The following GPR158 variants were observed in gnomAD, a reference collection of about 807,000 sequenced individuals.
The protein encoded by GPR158 is metabotropic glycine receptor.
A neutral mutation model predicts 78.2 loss-of-function variants in GPR158; 30 were observed. The ratio of observed to expected loss-of-function variants is 0.38; its 90% CI spans 0.29 to 0.52. The LOEUF is 0.52. Ranked by LOEUF, GPR158 falls within the 20% of genes least tolerant of loss-of-function variation. The pLI is 0.83. For missense variants in GPR158, 1,463 were observed against 1,523.5 expected (o/e 0.96, Z 0.66); for synonymous variants, 581 against 591.1 (o/e 0.98, Z 0.25).
At chr10:25,455,383 A>G (rs1158370024) in intron 4 of GPR158, among the ~76,000 whole-genome samples, 1 of 152,158 alleles carries the variant, frequency 6.6e-6, no homozygotes, top group East Asian at 1.9e-4. Context: ...AAAATCTGTT[A>G]TATTATAAAA....
chr10:25,536,082 C>A (rs1836496453), intron 5 of GPR158, among the ~76,000 whole-genome samples: 2 of 152,110 alleles, frequency 1.3e-5, no homozygotes, highest in Non-Finnish European at 2.9e-5. Context: ...GCATTTAGGG[C>A]AATTAACACC....
chr10:25,372,977 C>A (rs1216033505), intron 2 of GPR158, among the ~76,000 whole-genome samples: 1 of 151,918 alleles, frequency 6.6e-6, no homozygotes, highest in Non-Finnish European at 1.5e-5. Flanking sequence ...TATAAATTGT[C>A]TGTCATAAAA....
chr10:25,316,691 G>A (rs1854855096), intron 2 of GPR158, among the ~76,000 whole-genome samples: 1 of 152,136 alleles, frequency 6.6e-6, no homozygotes. Flanking sequence ...TGAACAAGTT[G>A]TGCGATTTTC....
intron 2 of GPR158, among the ~76,000 whole-genome samples, chr10:25,253,113 A>G (rs1262993470): frequency 4.6e-5 from 7 of 152,198 alleles, no homozygotes; most frequent in South Asian, 2.1e-4. Flanking sequence ...TGACTCGGAA[A>G]GGGAACTCCC....
intron 5 of GPR158, among the ~76,000 whole-genome samples, chr10:25,494,728 A>C (rs757148943): frequency 3.9e-5 from 6 of 152,082 alleles, no homozygotes; most frequent in Non-Finnish European, 7.4e-5. Context: ...AGTTCTTTGG[A>C]TGTGACTATC....
At chr10:25,188,518 A>G (rs1218142913) in intron 1 of GPR158, among the ~76,000 whole-genome samples, 5 of 152,354 alleles carry the variant, frequency 3.3e-5, no homozygotes, top group African/African-American at 1.2e-4. Flanking sequence ...ACCTGACAAA[A>G]ACAACAAATG....
intron 4 of GPR158, among the ~76,000 whole-genome samples, chr10:25,429,901 A>G (rs1834876546): frequency 7.1e-6 from 1 of 140,408 alleles, no homozygotes; most frequent in Admixed American, 7.2e-5. Context: ...CACAGCCAAT[A>G]TCATACTGAA....
intron 6 of GPR158, among the ~76,000 whole-genome samples, chr10:25,559,969 G>GT (rs1438152191): frequency 1.3e-5 from 2 of 152,208 alleles, no homozygotes; most frequent in African/African-American, 2.4e-5. Context: ...ATATAGTGGT[G>GT]TGCGAAGGGA....
chr10:25,175,748 G>A lies in GPR158; in HGVS notation c.328G>A (p.Gly110Arg), dbSNP rs148751649. 91 of 1,611,334 alleles carry A rather than the reference G, an allele frequency of 5.6e-5. No homozygotes were observed. The South Asian group carries it at 9.9e-4, about 18-fold the overall frequency. ...SGRYELAGLP[G>R]KWPALASAHP... ...CCGCTACGAGTTGGCGGGCCTGCCG[G>A]GGAAGTGGCCAGCCCTGGCCAGCGC... Residue 110 changes from glycine (G) to arginine (R), a missense_variant, in exon 1 of 11, where the codon GGG becomes AGG. By Grantham distance (125) the Gly-to-Arg change is moderately radical. Coordinates refer to ENST00000376351, the MANE Select transcript of GPR158 (RefSeq NM_020752.3). This position sits in a 1 kb window ranked among gnomAD's most constrained non-coding sequence, Gnocchi z 6.4.
intron 2 of GPR158, among the ~76,000 whole-genome samples, chr10:25,392,840 A>G (rs1834319400): frequency 6.6e-6 from 1 of 152,234 alleles, no homozygotes; most frequent in African/African-American, 2.4e-5. Flanking sequence ...AAATAAGCCA[A>G]GACCACTTGT....
intron 5 of GPR158, among the ~76,000 whole-genome samples, chr10:25,480,568 A>G (rs1230150680): frequency 6.6e-6 from 1 of 152,148 alleles, no homozygotes; most frequent in African/African-American, 2.4e-5. Flanking sequence ...GGGCCTTCAC[A>G]TGAGCAGAAT....
rs191842201 is a variant in GPR158 at position 25,599,928 on chromosome 10, C to T, written c.*654C>T. 87 of 152,756 alleles carry T rather than the reference C, an allele frequency of 5.7e-4. No homozygotes were observed. The highest frequency in any genetic ancestry group is 2.0e-3 in the African/African-American group (84 of 41,572). 9.5% of individuals were successfully genotyped at this position (152,756 alleles called of 1,614,324 possible). On this transcript the variant is annotated 3_prime_UTR_variant, in exon 11 of 11. Transcript: ENST00000376351. Reference sequence around the variant, plus strand: ...GTTATTGCACCTTACAGAATACCTGCTATCTATCAACTTTAGTTGATTCTT... The same window carrying T: ...GTTATTGCACCTTACAGAATACCTGTTATCTATCAACTTTAGTTGATTCTT...
chr10:25,217,643 T>C (rs1215857135), intron 1 of GPR158, among the ~76,000 whole-genome samples: 4 of 152,170 alleles, frequency 2.6e-5, no homozygotes, highest in Non-Finnish European at 4.4e-5. Context: ...AGAGTCAAGA[T>C]ACAAGAAGCA....
intron 5 of GPR158, among the ~76,000 whole-genome samples, chr10:25,538,342 A>G (rs529389562): frequency 1.3e-5 from 2 of 152,262 alleles, no homozygotes; most frequent in South Asian, 4.1e-4. Flanking sequence ...TTTCCCCATT[A>G]GCTTTTATGC....
At chr10:25,361,659 G>A (rs1238157618) in intron 2 of GPR158, among the ~76,000 whole-genome samples, 1 of 151,864 alleles carries the variant, frequency 6.6e-6, no homozygotes, top group Non-Finnish European at 1.5e-5. Flanking sequence ...TCTCATTGTG[G>A]TTTTGATTTG....
rs1005127785 is a variant in GPR158 at position 25,601,585 on chromosome 10, C to T, written c.*2311C>T. 2.0e-5 allele frequency: 3 copies of T among 152,574 alleles called. No homozygotes were observed. Among genetic ancestry groups the T allele is most frequent in the African/African-American group, 4.8e-5 (2 of 41,432 alleles). 9.5% of individuals were successfully genotyped at this position (152,574 alleles called of 1,614,324 possible). On this transcript the variant is annotated 3_prime_UTR_variant, in exon 11 of 11. Coordinates refer to ENST00000376351, the MANE Select transcript of GPR158 (RefSeq NM_020752.3). ...AAAGACTTGCCAAATTATATCTTAG[C>T]GACATTCTATAGTTCATAGATTATT...
chr10:25,392,351 C>G (rs932151702), intron 2 of GPR158, among the ~76,000 whole-genome samples: 1 of 152,134 alleles, frequency 6.6e-6, no homozygotes, highest in Non-Finnish European at 1.5e-5. Flanking sequence ...CTTGGCTTGC[C>G]CTTGGCAGGT....
At chr10:25,430,927 A>C (rs920403242) in intron 4 of GPR158, among the ~76,000 whole-genome samples, 35 of 150,394 alleles carry the variant, frequency 2.3e-4, no homozygotes, top group Admixed American at 2.0e-4. Flanking sequence ...AAACCTAGGC[A>C]ATACCATTCA....
chr10:25,500,504 G>C (rs116019930), intron 5 of GPR158, among the ~76,000 whole-genome samples: 2,544 of 152,296 alleles, frequency 0.017, 62 homozygotes, highest in African/African-American at 0.058. Context: ...TCTAAATCCT[G>C]AAAGAAGTCA....
Sources: gnomAD v4.1 joint callset for allele counts (sites outside exome capture counted in the v4.1 genomes callset) on GRCh38, gnomAD v4.1.1 for gene constraint, Gnocchi (gnomAD v3.1) non-coding constraint, MANE v1.5 for transcripts, NCBI Gene and HGNC (gene_info 2026-07-23, HGNC 2026-07-21) for gene names.